GPR157: variants seen among roughly 807,000 people sequenced by gnomAD.
GPR157 encodes G protein-coupled receptor 157.
In GPR157, 16 loss-of-function variants were observed where a neutral mutation model predicts 23.5. The observed-to-expected ratio is 0.68, with a 90% confidence interval of 0.46 to 1.04. GPR157 has a LOEUF of 1.04. Among genes scored for constraint, GPR157 ranks in the 50% least tolerant of loss-of-function variants. The pLI, the probability that GPR157 is intolerant of heterozygous loss-of-function variation, is 0.00. For synonymous variants in GPR157, 200 were observed against 221.5 expected, an observed-to-expected ratio of 0.90 and a Z score of 0.86; for missense variants, 440 against 460.7, an observed-to-expected ratio of 0.96 and a Z score of 0.41.
intron 1 of GPR157, among the ~76,000 whole-genome samples, chr1:9,116,867 G>A (rs1427875214): frequency 6.6e-6 from 1 of 151,976 alleles, no homozygotes; most frequent in Non-Finnish European, 1.5e-5. Flanking sequence ...TCAACCTCCT[G>A]AGTAGGGGGT....
intron 1 of GPR157, among the ~76,000 whole-genome samples, chr1:9,124,001 T>A (rs544488488): frequency 5.3e-5 from 8 of 151,690 alleles, no homozygotes; most frequent in East Asian, 1.9e-4. Flanking sequence ...GCTAATTTTT[T>A]AAATTTTTTG....
chr1:9,111,930 A>T (rs544159795), intron 1 of GPR157, among the ~76,000 whole-genome samples: 3 of 152,304 alleles, frequency 2.0e-5, no homozygotes, highest in Admixed American at 2.0e-4. Flanking sequence ...AGATTGTGCC[A>T]TTGCGTTCCC....
chr1:9,125,967 CTTT>C (rs36090703), intron 1 of GPR157, among the ~76,000 whole-genome samples: 14 of 138,964 alleles, frequency 1.0e-4, no homozygotes, highest in Admixed American at 2.1e-4. Flanking sequence ...TGTATTCTGC[CTTT>C]TTTTTTTTTT....
In GPR157 at chr1:9,102,402, C is replaced by T. The variant is rs1189174955; in HGVS notation, c.*2017G>A. The T allele has an allele frequency of 1.8e-5, 2 of 112,174 alleles. No homozygotes were observed. The highest frequency in any genetic ancestry group is 7.8e-5 in the African/African-American group (2 of 25,558). 6.9% of individuals were successfully genotyped at this position (112,174 alleles called of 1,614,324 possible). On this transcript the variant is annotated 3_prime_UTR_variant, in exon 4 of 4. Coordinates refer to ENST00000377411, the MANE Select transcript of GPR157 (RefSeq NM_024980.5). Reference sequence around the variant, plus strand: ...CTCCAGCCTGGGCAATAGAGTGAGACTCCATCTCAAAAAAAAAAAAAAAAA... The same window carrying T: ...CTCCAGCCTGGGCAATAGAGTGAGATTCCATCTCAAAAAAAAAAAAAAAAA...
intron 1 of GPR157, among the ~76,000 whole-genome samples, chr1:9,114,895 T>C (rs1569961840): frequency 7.8e-6 from 1 of 128,250 alleles, no homozygotes; most frequent in Admixed American, 9.9e-5. Context: ...CACTTCAGCC[T>C]GGGTGACAGA....
chr1:9,117,874 C>T (rs1638719757), intron 1 of GPR157, among the ~76,000 whole-genome samples: 1 of 152,104 alleles, frequency 6.6e-6, no homozygotes. Flanking sequence ...GGGAAGCCAC[C>T]ACCCCAAAAA....
rs754374811 is a variant in GPR157, at chr1:9,111,307, T to C, written c.566A>G (p.Tyr189Cys). 1.4e-5 allele frequency: 23 copies of C among 1,614,042 alleles called. No homozygotes were observed. The highest frequency in any genetic ancestry group is 1.9e-5 in the Non-Finnish European group (22 of 1,180,000). The change falls in exon 2 of 4, where the codon TAC becomes TGC. Residue 189 changes from tyrosine to cysteine, a missense_variant. Physicochemically the swap from Tyr to Cys is radical, Grantham distance 194 (BLOSUM62 -2). Transcript: ENST00000377411. ...MLAYVLLPLL[Y>C]LLVRKHINRA... is the part of the protein sequence containing the mutation. ...GTTGATGTGCTTCCGGACCAGGAGG[T>C]ACAGCAGAGGCAGCAGCACATATGC...
At position 9,105,059 on chromosome 1, in the gene GPR157, A is replaced by ACG. The variant is rs1428107275; in HGVS notation, c.792+426_793-425insCG. Among the ~76,000 whole-genome samples, 1 of 142,474 alleles carries ACG rather than the reference A, an allele frequency of 7.0e-6. No individual in the cohort carries two copies. Among genetic ancestry groups the ACG allele is most frequent in the African/African-American group, 2.6e-5 (1 of 38,750 alleles). The allele number at this position is 142,474 out of a possible 152,430, so 93.5% of individuals were successfully genotyped here. ...AACACACACACACACACACACACAC[A>ACG]CACACACACATGCATACACACATGC... is the stretch of plus-strand genomic sequence containing the variant. On this transcript the variant is annotated intron_variant, in intron 3 of 3. Coordinates refer to ENST00000377411, the MANE Select transcript of GPR157 (RefSeq NM_024980.5). This position sits in a 1 kb window ranked among gnomAD's most constrained non-coding sequence, Gnocchi z 4.8.
At chr1:9,110,088 C>T (rs1338664688) in intron 2 of GPR157, among the ~76,000 whole-genome samples, 1 of 152,176 alleles carries the variant, frequency 6.6e-6, no homozygotes, top group Admixed American at 6.5e-5. Flanking sequence ...CTTACTGCCC[C>T]AGCCACTCCT....
chr1:9,115,328 T>C (rs1048189985), intron 1 of GPR157, among the ~76,000 whole-genome samples: 10 of 152,214 alleles, frequency 6.6e-5, no homozygotes, highest in African/African-American at 2.4e-4. Context: ...TAATACTCCT[T>C]CTTTATTGTC....
chr1:9,114,920 C>CAAAAAAA (rs70985588), intron 1 of GPR157, among the ~76,000 whole-genome samples: 79 of 85,358 alleles, frequency 9.3e-4, no homozygotes, highest in East Asian at 2.1e-3. Flanking sequence ...GACTCCGTCT[C>CAAAAAAA]AAAAAAAAAA....
At chr1:9,123,346 ATATT>A (rs1638862935) in intron 1 of GPR157, among the ~76,000 whole-genome samples, 1 of 32,950 alleles carries the variant, frequency 3.0e-5, no homozygotes, top group Non-Finnish European at 6.0e-5. Context: ...TTAAATATAT[ATATT>A]TAATTTAAAT....
chr1:9,127,838 C>A (rs746040355), intron 1 of GPR157, among the ~76,000 whole-genome samples: 2 of 152,186 alleles, frequency 1.3e-5, no homozygotes, highest in Non-Finnish European at 2.9e-5. Flanking sequence ...AGGATTCCTG[C>A]CCTCAGTTCA....
chr1:9,111,390 CAGGTCGA>C lies in GPR157; in HGVS notation c.476_482del (p.Ile159ArgfsTer12), dbSNP rs753661155. ...TCCACAGGACATGGTCCTTGGCCTC[CAGGTCGA>C]TCCAGCACCAGCCCACAGACACGTC... On this transcript the variant is annotated frameshift_variant, in exon 2 of 4. Transcript: ENST00000377411. LOFTEE classifies it high-confidence loss of function. 1.9e-6 allele frequency: 3 copies of C among 1,614,210 alleles called. No homozygotes were observed. Among genetic ancestry groups the C allele is most frequent in the Non-Finnish European group, 2.5e-6 (3 of 1,180,036 alleles).
At chr1:9,109,856 T>A (rs184340376) in intron 2 of GPR157, among the ~76,000 whole-genome samples, 1 of 151,360 alleles carries the variant, frequency 6.6e-6, no homozygotes, top group African/African-American at 2.4e-5. Context: ...ACAACGGGAG[T>A]GGAGGGTGGG....
chr1:9,108,047 C>T (rs546390263), intron 2 of GPR157, among the ~76,000 whole-genome samples: 1 of 152,184 alleles, frequency 6.6e-6, no homozygotes, highest in East Asian at 1.9e-4. Flanking sequence ...CAAGATTGAG[C>T]CACTGCACTC....
rs771640092 is a variant in GPR157, at chr1:9,111,491, T to TGAGGAAGGAGGA, written c.384-14_384-3dup. ...GTGATGACCAACGGGACCCCCCAGC[T>TGAGGAAGGAGGA]GAGGAAGGAGGAGAGAAAGAGGCAT... On this transcript the variant is annotated splice_region_variant and splice_polypyrimidine_tract_variant and intron_variant, in intron 1 of 3. Coordinates refer to ENST00000377411, the MANE Select transcript of GPR157 (RefSeq NM_024980.5). 1 of 1,612,136 alleles carries TGAGGAAGGAGGA rather than the reference T, an allele frequency of 6.2e-7. No homozygotes were observed. The highest frequency in any genetic ancestry group is 1.7e-5 in the Admixed American group (1 of 59,992).
At chr1:9,123,423 A>AAT (rs554933889) in intron 1 of GPR157, among the ~76,000 whole-genome samples, 2 of 106,758 alleles carry the variant, frequency 1.9e-5, no homozygotes, top group African/African-American at 3.9e-5. Flanking sequence ...TACATATTAA[A>AAT]ATATATATAT....
chr1:9,105,542 C>G lies in GPR157; in HGVS notation c.736G>C (p.Val246Leu), dbSNP rs755158507. The G allele has an allele frequency of 6.3e-7, 1 of 1,596,296 alleles. No individual in the cohort carries two copies. The highest frequency in any genetic ancestry group is 8.5e-7 in the Non-Finnish European group (1 of 1,172,502). ...GCCGGGGAGCCACAGAGGGTCAGCA[C>G]GAACCGCACGGTGCTCCAGACCCTG... ...GLRVWSTVRF[V>L]LTLCGSPAVQ... is the part of the protein sequence containing the mutation. Residue 246 changes from valine to leucine, a missense_variant, in exon 3 of 4, where the codon GTG becomes CTG. Coordinates refer to ENST00000377411, the MANE Select transcript of GPR157 (RefSeq NM_024980.5). The surrounding 1 kb of genome is among the most constrained non-coding windows in gnomAD (Gnocchi z 4.8).
Sources: gnomAD v4.1 joint callset for allele counts (sites outside exome capture counted in the v4.1 genomes callset) on GRCh38, gnomAD v4.1.1 for gene constraint, Gnocchi (gnomAD v3.1) non-coding constraint, MANE v1.5 for transcripts, NCBI Gene and HGNC (gene_info 2026-07-23, HGNC 2026-07-21) for gene names.